Variants in SLC9A8 observed in about 807,000 individuals in gnomAD.
The protein encoded by SLC9A8 is sodium/hydrogen exchanger 8.
In SLC9A8, 48 loss-of-function variants were observed where a neutral mutation model predicts 66.6. That is an observed-to-expected ratio of 0.72 (90% confidence interval 0.57 to 0.92). SLC9A8 has a LOEUF of 0.92. Among genes scored for constraint, SLC9A8 ranks in the 40% least tolerant of loss-of-function variants. The pLI is 0.00. For synonymous variants in SLC9A8, 274 were observed against 282.6 expected, an observed-to-expected ratio of 0.97 and a Z score of 0.31; for missense variants, 599 against 747.3, an observed-to-expected ratio of 0.80 and a Z score of 2.31.
rs2089885812 is a variant in SLC9A8 at position 49,886,196 on chromosome 20, G to C, written c.1492-556G>C. On this transcript the variant is annotated intron_variant, in intron 14 of 15. Coordinates refer to ENST00000361573, the MANE Select transcript of SLC9A8 (RefSeq NM_015266.3). The surrounding 1 kb of genome is among the most constrained non-coding windows in gnomAD (Gnocchi z 4.8). ...TCCAGCAGAGCAGGCGCTGCACTCA[G>C]AGCCTGTCTGCTTTGCTCCTACCTA... Among the ~76,000 whole-genome samples, 1 of 151,752 alleles carries C rather than the reference G, an allele frequency of 6.6e-6. No homozygotes were observed. The highest frequency in any genetic ancestry group is 1.5e-5 in the Non-Finnish European group (1 of 67,980).
In SLC9A8 at chr20:49,878,004, G is replaced by C. The variant is rs759996595; in HGVS notation, c.1099G>C (p.Gly367Arg). The part of the protein sequence containing the change: ...LCETCVFAFL[G>R]LSIFSFPHKF... ...AGAAACATGTGTGTTTGCATTTCTTGGCCTGTCCATTTTTAGTTTTCCTCA... is the reference window on the plus strand; with the variant it reads ...AGAAACATGTGTGTTTGCATTTCTTCGCCTGTCCATTTTTAGTTTTCCTCA... The change falls in exon 12 of 16, where the codon GGC becomes CGC. Residue 367 changes from glycine to arginine, a missense_variant. Transcript: ENST00000361573. 6.2e-7 allele frequency: 1 copy of C among 1,603,602 alleles called. No homozygotes were observed.
chr20:49,853,968 C>A (rs2088357938), intron 7 of SLC9A8, among the ~76,000 whole-genome samples: 1 of 152,180 alleles, frequency 6.6e-6, no homozygotes, highest in African/African-American at 2.4e-5. Flanking sequence ...TCTCCCTGAC[C>A]CTGCAGCCAA....
chr20:49,825,287 C>T (rs980517827), intron 3 of SLC9A8, among the ~76,000 whole-genome samples: 6 of 152,176 alleles, frequency 3.9e-5, no homozygotes, highest in African/African-American at 1.2e-4. Context: ...TTACTTGCAA[C>T]TAAAAGCATC....
At chr20:49,887,611 C>G (rs2089937610) in intron 15 of SLC9A8, among the ~76,000 whole-genome samples, 1 of 152,156 alleles carries the variant, frequency 6.6e-6, no homozygotes, top group Non-Finnish European at 1.5e-5. Context: ...TCAAGCCATG[C>G]TCCCTCCTCC....
intron 2 of SLC9A8, among the ~76,000 whole-genome samples, chr20:49,816,636 CA>C (rs1406541394): frequency 1.3e-5 from 2 of 152,108 alleles, no homozygotes; most frequent in East Asian, 3.9e-4. Flanking sequence ...AAAAAACAAA[CA>C]AACAAACAGA....
At chr20:49,848,736 G>A (rs2088117336) in intron 5 of SLC9A8, among the ~76,000 whole-genome samples, 1 of 152,182 alleles carries the variant, frequency 6.6e-6, no homozygotes, top group Admixed American at 6.5e-5. Flanking sequence ...GATACTAATA[G>A]AGTGAAGTAA....
At chr20:49,821,007 G>A (rs1325934606) in intron 2 of SLC9A8, among the ~76,000 whole-genome samples, 1 of 152,108 alleles carries the variant, frequency 6.6e-6, no homozygotes, top group Non-Finnish European at 1.5e-5. Flanking sequence ...GAGTTTAAGA[G>A]TTCTTTATAT....
intron 10 of SLC9A8, among the ~76,000 whole-genome samples, chr20:49,869,057 A>T (rs932478745): frequency 1.3e-5 from 2 of 152,204 alleles, no homozygotes; most frequent in Admixed American, 6.5e-5. Flanking sequence ...CTGACACTAA[A>T]GATTCAAAGA....
At chr20:49,852,049 G>A (rs1049886770) in intron 7 of SLC9A8, among the ~76,000 whole-genome samples, 5 of 152,144 alleles carry the variant, frequency 3.3e-5, no homozygotes, top group African/African-American at 9.7e-5. Flanking sequence ...TTTCCTCTCC[G>A]TGTGCAGAAG....
intron 3 of SLC9A8, among the ~76,000 whole-genome samples, chr20:49,828,595 T>C (rs1254774903): frequency 2.0e-5 from 3 of 150,158 alleles, no homozygotes; most frequent in Non-Finnish European, 4.4e-5. Context: ...CCCAGCACTT[T>C]GGGAGGCCGA....
At position 49,847,821 on chromosome 20, in the gene SLC9A8, A is replaced by G. The variant is rs73271117; in HGVS notation, c.433-1758A>G. ...ATTATGGTAACTTTAACTTGGGTAAATGTTCAGGATCCAGATTAATATTAA... is the reference window on the plus strand; with the variant it reads ...ATTATGGTAACTTTAACTTGGGTAAGTGTTCAGGATCCAGATTAATATTAA... On this transcript the variant is annotated intron_variant, in intron 5 of 15. Transcript: ENST00000361573. Among the ~76,000 whole-genome samples the G allele has an allele frequency of 7.1e-3, 1,071 of 151,902 alleles. 20 individuals are homozygous for G. Among genetic ancestry groups the G allele is most frequent in the African/African-American group, 0.024 (993 of 41,436 alleles).
At chr20:49,885,054 C>T (rs1280954579) in intron 14 of SLC9A8, among the ~76,000 whole-genome samples, 2 of 152,236 alleles carry the variant, frequency 1.3e-5, no homozygotes, top group Non-Finnish European at 2.9e-5. Context: ...ACCATGGCCT[C>T]CAATCTCCAT....
intron 10 of SLC9A8, among the ~76,000 whole-genome samples, chr20:49,869,232 CTTTT>C (rs947365431): frequency 7.2e-5 from 11 of 151,844 alleles, no homozygotes; most frequent in Non-Finnish European, 1.3e-4. Flanking sequence ...TTCTTTCTTT[CTTTT>C]TGAGGCAGAG....
At chr20:49,857,990 C>T (rs1463279405) in intron 8 of SLC9A8, among the ~76,000 whole-genome samples, 2 of 151,952 alleles carry the variant, frequency 1.3e-5, no homozygotes, top group African/African-American at 2.4e-5. Context: ...TTAGGAAATA[C>T]ACAAGCAAAA....
intron 4 of SLC9A8, among the ~76,000 whole-genome samples, chr20:49,840,879 G>A (rs550093897): frequency 6.6e-6 from 1 of 152,184 alleles, no homozygotes; most frequent in African/African-American, 2.4e-5. Flanking sequence ...CATTTTGAGA[G>A]GCCAAGGTGG....
rs754934751 is a variant in SLC9A8, at chr20:49,823,067, G to T, written c.215G>T (p.Cys72Phe). Reference sequence around the variant, plus strand: ...ATTATTTTTTTTTCCACAGCTATCTGCATCATATTGGTGCATTTACTGATC... The same window carrying T: ...ATTATTTTTTTTTCCACAGCTATCTTCATCATATTGGTGCATTTACTGATC... ...IFFSLLVLAI[C>F]IILVHLLIRY... The change falls in exon 3 of 16, where the codon TGC (cysteine) becomes TTC (phenylalanine). Residue 72 changes from cysteine to phenylalanine, a missense_variant. Coordinates refer to ENST00000361573, the MANE Select transcript of SLC9A8 (RefSeq NM_015266.3). The T allele has an allele frequency of 6.2e-7, 1 of 1,608,742 alleles. No individual in the cohort carries two copies. Among genetic ancestry groups the T allele is most frequent in the African/African-American group, 1.3e-5 (1 of 74,558 alleles).
In SLC9A8 at chr20:49,855,231, C is replaced by A. The variant is rs2235623; in HGVS notation, c.570-207C>A. Reference sequence around the variant, plus strand: ...GCTGACACTAGAAAACCAGGCCATTCCTAACAACTCAGTTTAGAGTGGGCC... The same window carrying A: ...GCTGACACTAGAAAACCAGGCCATTACTAACAACTCAGTTTAGAGTGGGCC... On this transcript the variant is annotated intron_variant, in intron 7 of 15. Transcript: ENST00000361573. Among the ~76,000 whole-genome samples, 3,459 of 152,294 alleles carry A rather than the reference C, an allele frequency of 0.023. 379 individuals are homozygous for A. In the East Asian group the frequency reaches 0.35, roughly 15 times the overall value.
intron 5 of SLC9A8, among the ~76,000 whole-genome samples, chr20:49,845,834 T>TG (rs1163378887): frequency 2.6e-5 from 4 of 152,274 alleles, no homozygotes; most frequent in Admixed American, 1.3e-4. Flanking sequence ...GATGTTTTTT[T>TG]TTTTGTTTTG....
At chr20:49,822,917 A>T in intron 2 of SLC9A8, 144 bp from the exon 3 acceptor site, 1 of 659,446 alleles carries the variant, frequency 1.5e-6, no homozygotes, top group Non-Finnish European at 2.7e-6. Flanking sequence ...GAGACACGAA[A>T]AACACCGCTG....
Sources: allele counts gnomAD v4.1 joint callset (sites outside exome capture counted in the v4.1 genomes callset), GRCh38; gene constraint gnomAD v4.1.1; non-coding constraint Gnocchi (gnomAD v3.1); transcripts MANE v1.5; gene names NCBI Gene and HGNC (gene_info 2026-07-23, HGNC 2026-07-21).